CNKSR2: variants seen among roughly 807,000 people sequenced by gnomAD.
CNKSR2 encodes connector enhancer of kinase suppressor of Ras 2.
Under a neutral mutation model 84.4 loss-of-function variants are expected in CNKSR2, and 14 were observed. The ratio of observed to expected loss-of-function variants is 0.17; its 90% CI spans 0.11 to 0.26. The LOEUF (loss-of-function observed/expected upper bound fraction) is 0.26. CNKSR2 is among the 10% of genes least tolerant of loss of function. The pLI is 1.00. For missense variants in CNKSR2, 485 were observed against 771.2 expected (o/e 0.63, Z 4.40); for synonymous variants, 275 against 277.9 (o/e 0.99, Z 0.10).
At chrX:21,651,700 C>G (rs778367033) in intron 21 of CNKSR2, among the ~76,000 whole-genome samples, 1 of 111,323 alleles carries the variant, frequency 9.0e-6, no homozygotes, top group African/African-American at 3.3e-5. Flanking sequence ...TGAGTTATAC[C>G]AAAATGAAGC....
At chrX:21,478,521 A>G (rs916547129) in intron 5 of CNKSR2, among the ~76,000 whole-genome samples, 4 of 112,202 alleles carry the variant, frequency 3.6e-5, no homozygotes, top group African/African-American at 9.7e-5. Context: ...TGTTTTTGCT[A>G]ACATTACATT....
chrX:21,590,325 GC>G lies in CNKSR2; in HGVS notation c.1609-246del, dbSNP rs1286256821. Reference sequence around the variant, plus strand: ...GTAAAAGCCTTTAGTTTTACCAAATGCTTTGTGCCCTGATTTCTCTGCCTAC... The same window carrying G: ...GTAAAAGCCTTTAGTTTTACCAAATGTTTGTGCCCTGATTTCTCTGCCTAC... On this transcript the variant is annotated intron_variant, in intron 13 of 21. Transcript: ENST00000379510. Among the ~76,000 whole-genome samples the G allele has an allele frequency of 1.3e-4, 14 of 111,913 alleles. No individual in the cohort carries two copies. In the Admixed American group the frequency reaches 1.3e-3, roughly 11 times the overall value.
intron 4 of CNKSR2, among the ~76,000 whole-genome samples, chrX:21,457,762 A>T (rs1019625323): frequency 8.9e-6 from 1 of 111,772 alleles, no homozygotes; most frequent in African/African-American, 3.3e-5. Context: ...AAGGAAACTT[A>T]GGAGTCATCT....
intron 1 of CNKSR2, among the ~76,000 whole-genome samples, chrX:21,383,500 G>A (rs2089927175): frequency 8.9e-6 from 1 of 112,046 alleles, no homozygotes; most frequent in South Asian, 3.7e-4. Flanking sequence ...ATGATAGTTT[G>A]TCATGATAAA....
chrX:21,597,055 A>G (rs768056972), intron 17 of CNKSR2, among the ~76,000 whole-genome samples: 1 of 112,052 alleles, frequency 8.9e-6, no homozygotes, highest in South Asian at 3.7e-4. Context: ...TAAGTGGCAT[A>G]CATGAGCATA....
At chrX:21,378,777 T>C (rs947863288) in intron 1 of CNKSR2, among the ~76,000 whole-genome samples, 1 of 111,548 alleles carries the variant, frequency 9.0e-6, no homozygotes, top group Non-Finnish European at 1.9e-5. Context: ...CTGGGTCAAA[T>C]AAAATGATTA....
chrX:21,611,412 A>T (rs781060038), intron 20 of CNKSR2, among the ~76,000 whole-genome samples: 97 of 112,244 alleles, frequency 8.6e-4, no homozygotes, highest in Non-Finnish European at 1.7e-3. Context: ...CTACAGGTTA[A>T]GTCACTAATG....
chrX:21,423,963 G>T (rs759939376), intron 1 of CNKSR2: 1 of 110,884 alleles, frequency 9.0e-6, no homozygotes, highest in Non-Finnish European at 1.9e-5. Context: ...CTTTATTGTT[G>T]AGATGTGTTT....
chrX:21,474,503 G>T (rs2091239852), intron 5 of CNKSR2, among the ~76,000 whole-genome samples: 1 of 112,103 alleles, frequency 8.9e-6, no homozygotes, highest in South Asian at 3.7e-4. Context: ...GAATGTATCT[G>T]CTGGCTCTAA....
chrX:21,444,233 G>A (rs1368349392), intron 4 of CNKSR2, among the ~76,000 whole-genome samples: 2 of 111,017 alleles, frequency 1.8e-5, no homozygotes, highest in Non-Finnish European at 3.8e-5. Flanking sequence ...GTAATTTTTA[G>A]TTTCATTAAG....
At chrX:21,416,618 T>C (rs2090426061) in intron 1 of CNKSR2, among the ~76,000 whole-genome samples, 1 of 111,543 alleles carries the variant, frequency 9.0e-6, no homozygotes, top group Non-Finnish European at 1.9e-5. Context: ...TTACTTGTTA[T>C]TGGCCTATTC....
chrX:21,452,239 C>G (rs770250813), intron 4 of CNKSR2, among the ~76,000 whole-genome samples: 1 of 111,016 alleles, frequency 9.0e-6, no homozygotes, highest in Non-Finnish European at 1.9e-5. Flanking sequence ...TACAGGGGTG[C>G]GCCACCATGC....
chrX:21,593,310 T>G (rs182881662), intron 15 of CNKSR2: 1 of 112,208 alleles, frequency 8.9e-6, no homozygotes, highest in Non-Finnish European at 1.9e-5. Context: ...TTAATACTAC[T>G]CTTTTTCATA....
At chrX:21,499,635 CT>C (rs893004498) in intron 7 of CNKSR2, among the ~76,000 whole-genome samples, 20 of 110,185 alleles carry the variant, frequency 1.8e-4, no homozygotes, top group African/African-American at 5.9e-4. Context: ...TCTTTTGATT[CT>C]TTTTTTTCTT....
chrX:21,418,646 ACTCTGTCATCAGATCTATTGGAGCTC>A (rs2147033834), intron 1 of CNKSR2, among the ~76,000 whole-genome samples: 1 of 108,358 alleles, frequency 9.2e-6, no homozygotes, highest in East Asian at 2.9e-4. Flanking sequence ...TCCACCGAAA[ACTCTGTCATCAGATCTATTGGAGCTC>A]CATTGTATGT....
intron 13 of CNKSR2, among the ~76,000 whole-genome samples, chrX:21,579,121 C>T (rs2092338558): frequency 8.9e-6 from 1 of 112,302 alleles, no homozygotes; most frequent in Non-Finnish European, 1.9e-5. Flanking sequence ...GCAGCAGTGA[C>T]TGACACCCTG....
intron 11 of CNKSR2, among the ~76,000 whole-genome samples, chrX:21,558,768 A>G (rs1345345269): frequency 9.0e-6 from 1 of 111,239 alleles, no homozygotes; most frequent in Non-Finnish European, 1.9e-5. Flanking sequence ...TTTTGTGCAC[A>G]TATGTTTGTC....
chrX:21,380,440 GTTC>G (rs1480325455), intron 1 of CNKSR2, among the ~76,000 whole-genome samples: 1 of 76,592 alleles, frequency 1.3e-5, no homozygotes, highest in African/African-American at 5.6e-5. Context: ...GGCTCAATTT[GTTC>G]TTTTTTTTTT....
At chrX:21,533,198 C>T (rs975543210) in intron 11 of CNKSR2, among the ~76,000 whole-genome samples, 5 of 110,668 alleles carry the variant, frequency 4.5e-5, no homozygotes, top group Non-Finnish European at 9.5e-5. Context: ...ACTCTAGTGG[C>T]AATTAAACTG....
Sources: allele counts gnomAD v4.1 joint callset (sites outside exome capture counted in the v4.1 genomes callset), GRCh38; gene constraint gnomAD v4.1.1; transcripts MANE v1.5; gene names NCBI Gene and HGNC (gene_info 2026-07-23, HGNC 2026-07-21).